The following USP36 variants were observed in gnomAD, a reference collection of about 807,000 sequenced individuals.
USP36 encodes the protein ubiquitin specific peptidase 36, also known as ubiquitin carboxyl-terminal hydrolase 36.
Under a neutral mutation model 111.5 loss-of-function variants are expected in USP36, and 59 were observed. The observed-to-expected ratio is 0.53, with a 90% confidence interval of 0.43 to 0.66. The LOEUF (loss-of-function observed/expected upper bound fraction) is 0.66, where lower values mean the gene tolerates loss of function less well. Ranked by LOEUF, USP36 falls within the 30% of genes least tolerant of loss-of-function variation. The pLI is 0.00. For synonymous variants in USP36, 628 were observed against 581.0 expected, an observed-to-expected ratio of 1.08 and a Z score of -1.16; for missense variants, 1,488 against 1,468.0, an observed-to-expected ratio of 1.01 and a Z score of -0.22.
Position 78,818,965 on chromosome 17 carries a change from A to G in USP36, c.912-187T>C, listed in dbSNP as rs2094253193. 2.5e-5 allele frequency: 14 copies of G among 553,340 alleles called. No individual in the cohort carries two copies. The South Asian group carries it at 2.9e-4, about 11-fold the overall frequency. 34.3% of individuals were successfully genotyped at this position (553,340 alleles called of 1,614,324 possible). On this transcript the variant is annotated intron_variant, in intron 9 of 20. Coordinates refer to ENST00000449938, the MANE Select transcript of USP36 (RefSeq NM_001385174.1). The stretch of plus-strand genomic sequence containing the variant: ...GCCTCAAGTAAAGGAAAGCTACCAC[A>G]GGGAAATAAGACTACAGAAAGTGGG...
intron 4 of USP36, among the ~76,000 whole-genome samples, 157 bp downstream of exon 4, chr17:78,835,123 A>G: frequency 6.6e-6 from 1 of 152,068 alleles, no homozygotes. Context: ...CCCATTCTGC[A>G]GCAGGCATGA....
rs1317502212 is a variant in USP36 at position 78,806,199 on chromosome 17, A to G, written c.2173T>C (p.Ser725Pro). The G allele has an allele frequency of 1.2e-6, 2 of 1,613,288 alleles. No individual in the cohort carries two copies. The highest frequency in any genetic ancestry group is 1.1e-5 in the South Asian group (1 of 91,014). The change falls in exon 15 of 21, where the codon TCT becomes CCT. Residue 725 changes from serine to proline, a missense_variant. This residue lies in a region of USP36 where 1,073 missense variants were observed against 994.1 expected (regional missense o/e 1.08). Coordinates refer to ENST00000449938, the MANE Select transcript of USP36 (RefSeq NM_001385174.1). Reference sequence around the variant, plus strand: ...CAAGTGGAGGCAACGACGGGGTGAGAGGTTTTCATGGGGTGGGTGAGGTCG... The same window carrying G: ...CAAGTGGAGGCAACGACGGGGTGAGGGGTTTTCATGGGGTGGGTGAGGTCG... ...SSDLTHPMKT[S>P]HPVVASTWPV...
chr17:78,835,558 C>A, intron 3 of USP36, 57 bp from the exon 4 acceptor site: 1 of 1,524,120 alleles, frequency 6.6e-7, no homozygotes, highest in South Asian at 1.2e-5. Context: ...ACACACAGGT[C>A]GTCCACAAAA....
intron 1 of USP36, among the ~76,000 whole-genome samples, chr17:78,840,139 A>T (rs1189420632): frequency 1.3e-5 from 2 of 152,238 alleles, no homozygotes; most frequent in Non-Finnish European, 2.9e-5. Context: ...CTCCCCGAGC[A>T]TGGCTCCGTG....
intron 9 of USP36, among the ~76,000 whole-genome samples, chr17:78,819,437 G>A (rs903128107): frequency 6.6e-6 from 1 of 152,206 alleles, no homozygotes; most frequent in Non-Finnish European, 1.5e-5. Context: ...CAAAGTAAGA[G>A]TTCTATCTGC....
At chr17:78,834,998 TA>T (rs2068521079) in intron 4 of USP36, among the ~76,000 whole-genome samples, 1 of 12,100 alleles carries the variant, frequency 8.3e-5, no homozygotes, top group Non-Finnish European at 1.3e-4. Context: ...ATAATATTTG[TA>T]TATATATATA....
rs1057425806 is a variant in USP36, at chr17:78,819,894, G to C, written c.911+36C>G. The C allele has an allele frequency of 7.5e-6, 12 of 1,601,808 alleles. No homozygotes were observed. In the African/African-American group the frequency reaches 1.6e-4, roughly 21 times the overall value. ...GGTGAGGGGACTTATTTCCCGTCTG[G>C]TATCAGTCTTCTGCCACAAGCAACG... On this transcript the variant is annotated intron_variant, in intron 9 of 20. Transcript: ENST00000449938.
chr17:78,826,553 A>T (rs1420392708), intron 6 of USP36: 2 of 152,834 alleles, frequency 1.3e-5, no homozygotes, highest in African/African-American at 4.8e-5. Context: ...AACTTCTCTA[A>T]AGAACATTCT....
rs754958212 is a variant in USP36, at chr17:78,803,623, T to C, written c.2572A>G (p.Ser858Gly). 1.1e-5 allele frequency: 18 copies of C among 1,611,714 alleles called. No homozygotes were observed. Among genetic ancestry groups the C allele is most frequent in the African/African-American group, 2.7e-5 (2 of 74,920 alleles). The change falls in exon 16 of 21, where the codon AGC becomes GGC. Residue 858 changes from serine (S) to glycine (G), a missense_variant. Physicochemically the swap from Ser to Gly is moderately conservative, Grantham distance 56 (BLOSUM62 0). This residue lies in a region of USP36 where 1,073 missense variants were observed against 994.1 expected (regional missense o/e 1.08). Coordinates refer to ENST00000449938, the MANE Select transcript of USP36 (RefSeq NM_001385174.1). The surrounding 1 kb of genome is among the most constrained non-coding windows in gnomAD (Gnocchi z 4.6). ...KKKRPEDTAA[S>G]ALQEGQTQRQ... Reference sequence around the variant, plus strand: ...TGTGTCTGCCCCTCCTGCAGGGCGCTGGCAGCTGTGTCCTCCGGGCGCTTC... The same window carrying C: ...TGTGTCTGCCCCTCCTGCAGGGCGCCGGCAGCTGTGTCCTCCGGGCGCTTC...
chr17:78,833,587 ACT>A (rs1176840866), intron 4 of USP36, among the ~76,000 whole-genome samples: 1 of 151,870 alleles, frequency 6.6e-6, no homozygotes, highest in Non-Finnish European at 1.5e-5. Context: ...ATTCTCAAAA[ACT>A]CACAGTTACT....
chr17:78,824,396 G>A (rs1226790749), intron 6 of USP36, among the ~76,000 whole-genome samples: 2 of 152,202 alleles, frequency 1.3e-5, no homozygotes, highest in African/African-American at 4.8e-5. Context: ...TTTCAAAAGG[G>A]CGTATGAAAC....
Position 78,798,938 on chromosome 17 carries a change from A to G in USP36, c.3210T>C (p.Asp1070=). The change falls in exon 19 of 21, where the codon GAT becomes GAC. Residue 1070 remains aspartate, a synonymous_variant. Transcript: ENST00000449938. This position sits in a 1 kb window ranked among gnomAD's most constrained non-coding sequence, Gnocchi z 5.1. ...CTCGGTCAAACTCTTCGTCCCAGTC[A>G]TCAACCACGGTCTCAGTCCGGGCCT... ...SRQARTETVV[D]DWDEEFDRGK... 6.2e-7 allele frequency: 1 copy of G among 1,614,132 alleles called. No individual in the cohort carries two copies. The highest frequency in any genetic ancestry group is 8.5e-7 in the Non-Finnish European group (1 of 1,180,024).
chr17:78,810,507 T>C (rs962482862), intron 13 of USP36, among the ~76,000 whole-genome samples: 2 of 152,152 alleles, frequency 1.3e-5, no homozygotes, highest in Admixed American at 6.6e-5. Flanking sequence ...CTCGAACTCC[T>C]GGGATCCACT....
Position 78,813,865 on chromosome 17 carries a change from A to C in USP36, c.1173T>G (p.Asn391Lys). 4 of 1,614,120 alleles carry C rather than the reference A, an allele frequency of 2.5e-6. No homozygotes were observed. Among genetic ancestry groups the C allele is most frequent in the Non-Finnish European group, 2.5e-6 (3 of 1,180,008 alleles). The change falls in exon 12 of 21, where the codon AAT becomes AAG. Residue 391 changes from asparagine to lysine, a missense_variant. Around this residue, in one of 3 missense-constraint regions of USP36, gnomAD observed 1,073 missense variants for 994.1 expected, o/e 1.08. Transcript: ENST00000449938. The stretch of plus-strand genomic sequence containing the variant: ...AATCATTCATCTGGTACCACTGTCC[A>C]TTGCTTGCCTGAAGCAGCCAAGGAT... The part of the protein sequence containing the change: ...GHYYCYVKAS[N>K]GQWYQMNDSL...
intron 6 of USP36, among the ~76,000 whole-genome samples, chr17:78,825,888 A>G (rs1567959289): frequency 6.6e-6 from 1 of 152,200 alleles, no homozygotes; most frequent in Non-Finnish European, 1.5e-5. Context: ...TCTCCCAGGA[A>G]GCCGCCTCTG....
At position 78,806,286 on chromosome 17, in the gene USP36, C is replaced by T; in HGVS notation, c.2086G>A (p.Ala696Thr). The T allele has an allele frequency of 1.2e-6, 2 of 1,613,634 alleles. No individual in the cohort carries two copies. The highest frequency in any genetic ancestry group is 1.1e-5 in the South Asian group (1 of 91,046). The change falls in exon 15 of 21, where the codon GCC (alanine) becomes ACC (threonine). Residue 696 changes from alanine to threonine, a missense_variant and splice_region_variant. By Grantham distance (58) the Ala-to-Thr change is moderately conservative. Transcript: ENST00000449938. The part of the protein sequence containing the change: ...AKKLALSAKK[A>T]STLWRATGND... ...CCGGTCGCCCTCCACAGGGTGCTGG[C>T]CTGCAGTTATCGACATAAATAAAAA...
chr17:78,789,592 G>T (rs1453907763), intron 3 of USP36, among the ~76,000 whole-genome samples: 1 of 152,192 alleles, frequency 6.6e-6, no homozygotes, highest in Non-Finnish European at 1.5e-5. Context: ...TTGGGGCATT[G>T]TCTTGCTTTG....
In USP36 at chr17:78,795,817, T is replaced by A. The variant is rs2093620765; in HGVS notation, c.*2083A>T. The A allele has an allele frequency of 6.6e-6, 1 of 151,876 alleles. No homozygotes were observed. Among genetic ancestry groups the A allele is most frequent in the Admixed American group, 6.6e-5 (1 of 15,226 alleles). 9.4% of individuals were successfully genotyped at this position (151,876 alleles called of 1,614,324 possible). On this transcript the variant is annotated 3_prime_UTR_variant, in exon 21 of 21. Transcript: ENST00000449938. The surrounding 1 kb of genome is among the most constrained non-coding windows in gnomAD (Gnocchi z 4.5). Reference sequence around the variant, plus strand: ...GGCAAGTGAGAGGACCTGGGAGAGGTAGCTGCTGTACACAGGCCCCACTCC... The same window carrying A: ...GGCAAGTGAGAGGACCTGGGAGAGGAAGCTGCTGTACACAGGCCCCACTCC...
chr17:78,794,613 G>C (rs922369019), downstream of USP36, among the ~76,000 whole-genome samples: 2 of 152,214 alleles, frequency 1.3e-5, no homozygotes, highest in Non-Finnish European at 2.9e-5. Flanking sequence ...CCTAGTGTTT[G>C]GGAAACGGCA....
Sources: allele counts gnomAD v4.1 joint callset (sites outside exome capture counted in the v4.1 genomes callset), GRCh38; gene constraint gnomAD v4.1.1; regional missense constraint gnomAD v4.1.1; non-coding constraint Gnocchi (gnomAD v3.1); transcripts MANE v1.5; gene names NCBI Gene and HGNC (gene_info 2026-07-23, HGNC 2026-07-21).